Variants in DOCK3 observed in about 807,000 individuals in gnomAD.
DOCK3 encodes dedicator of cytokinesis 3, also known as dedicator of cytokinesis protein 3.
Under a neutral mutation model 265.6 loss-of-function variants are expected in DOCK3, and 60 were observed. The observed-to-expected ratio is 0.23, with a 90% CI of 0.18 to 0.28. The LOEUF is 0.28. DOCK3 is among the 10% of genes least tolerant of loss of function. DOCK3 has a pLI of 1.00. For missense variants in DOCK3, 1,981 were observed against 2,594.3 expected, an observed-to-expected ratio of 0.76 and a Z score of 5.14; for synonymous variants, 881 against 938.0, an observed-to-expected ratio of 0.94 and a Z score of 1.11.
chr3:50,713,095 A>G (rs1204614442), intron 1 of DOCK3, among the ~76,000 whole-genome samples: 1 of 152,184 alleles, frequency 6.6e-6, no homozygotes, highest in Non-Finnish European at 1.5e-5. Flanking sequence ...ACATTACTGT[A>G]CAAAGGGAGA....
chr3:50,903,812 C>T (rs566313701), intron 4 of DOCK3, among the ~76,000 whole-genome samples: 6 of 151,906 alleles, frequency 3.9e-5, no homozygotes, highest in South Asian at 2.1e-4. Flanking sequence ...ATGTGCACCA[C>T]GTGCAGGTTT....
chr3:51,366,911 A>G (rs147141875), intron 49 of DOCK3, among the ~76,000 whole-genome samples: 63 of 152,252 alleles, frequency 4.1e-4, no homozygotes, highest in African/African-American at 1.4e-3. Context: ...ACTTCCAATT[A>G]TGTGGTCAAT....
At chr3:51,266,173 AAG>A (rs2080153039) in intron 23 of DOCK3, among the ~76,000 whole-genome samples, 1 of 152,236 alleles carries the variant, frequency 6.6e-6, no homozygotes, top group Non-Finnish European at 1.5e-5. Flanking sequence ...TCAAGGAAAT[AAG>A]AGAGGACACA....
At chr3:50,991,614 GAC>G (rs1298600715) in intron 5 of DOCK3, among the ~76,000 whole-genome samples, 7 of 152,138 alleles carry the variant, frequency 4.6e-5, no homozygotes, top group Non-Finnish European at 1.0e-4. Flanking sequence ...CCTACAAAGA[GAC>G]ACAGAGTTTT....
At chr3:50,901,884 G>A (rs757416750) in intron 4 of DOCK3, among the ~76,000 whole-genome samples, 16 of 152,262 alleles carry the variant, frequency 1.1e-4, no homozygotes, top group Non-Finnish European at 1.9e-4. Flanking sequence ...CATTGATGTC[G>A]CTGGGAGCTG....
chr3:51,047,811 A>G (rs2080835700), intron 5 of DOCK3, among the ~76,000 whole-genome samples: 1 of 152,198 alleles, frequency 6.6e-6, no homozygotes, highest in Non-Finnish European at 1.5e-5. Flanking sequence ...TATACCAGGC[A>G]TTTAGAGAAT....
intron 31 of DOCK3, 50 bp downstream of exon 31, chr3:51,312,952 A>G (rs966383756): frequency 5.3e-6 from 8 of 1,508,508 alleles, no homozygotes; most frequent in Admixed American, 1.9e-5. Flanking sequence ...ATAGCCAAAT[A>G]GAAAGTAGCA....
intron 12 of DOCK3, among the ~76,000 whole-genome samples, chr3:51,172,327 C>A (rs1244908722): frequency 3.3e-5 from 5 of 152,106 alleles, no homozygotes; most frequent in Non-Finnish European, 2.9e-5. Flanking sequence ...AGGCATGGGC[C>A]ACCATGCCTG....
chr3:51,191,161 C>A (rs1243881428), intron 12 of DOCK3, among the ~76,000 whole-genome samples: 1 of 152,068 alleles, frequency 6.6e-6, no homozygotes, highest in Non-Finnish European at 1.5e-5. Context: ...GCAATCAGGG[C>A]TTTCACGCTA....
At chr3:51,188,027 A>G (rs1458946021) in intron 12 of DOCK3, among the ~76,000 whole-genome samples, 1 of 152,182 alleles carries the variant, frequency 6.6e-6, no homozygotes, top group Non-Finnish European at 1.5e-5. Flanking sequence ...TTAGTGACTT[A>G]TAAGCTATTA....
intron 1 of DOCK3, among the ~76,000 whole-genome samples, chr3:50,770,322 A>G (rs551457337): frequency 3.0e-3 from 456 of 152,310 alleles, no homozygotes; most frequent in Non-Finnish European, 5.3e-3. Flanking sequence ...CAATCTTAGA[A>G]AGAAAAAAGT....
intron 24 of DOCK3, among the ~76,000 whole-genome samples, chr3:51,271,286 A>G (rs975874725): frequency 1.3e-5 from 2 of 152,200 alleles, no homozygotes; most frequent in Non-Finnish European, 2.9e-5. Context: ...ACAGAATACC[A>G]TAGACTGGGT....
intron 12 of DOCK3, among the ~76,000 whole-genome samples, chr3:51,180,165 G>A (rs1343578187): frequency 7.2e-6 from 1 of 138,016 alleles, no homozygotes; most frequent in African/African-American, 2.7e-5. Context: ...CCGAGATCAC[G>A]CCACTGTGCT....
At chr3:50,814,914 T>C (rs1049167435) in intron 2 of DOCK3, among the ~76,000 whole-genome samples, 11 of 152,082 alleles carry the variant, frequency 7.2e-5, no homozygotes, top group African/African-American at 2.7e-4. Flanking sequence ...AACCTCCGCC[T>C]CCTGGGTTCA....
At chr3:51,146,135 A>G (rs184466696) in intron 9 of DOCK3, among the ~76,000 whole-genome samples, 8 of 152,214 alleles carry the variant, frequency 5.3e-5, no homozygotes, top group Non-Finnish European at 8.8e-5. Flanking sequence ...GGTAATGTAG[A>G]TTCTTTCAGC....
chr3:50,967,580 A>G (rs1025610291), intron 5 of DOCK3, among the ~76,000 whole-genome samples: 3 of 152,184 alleles, frequency 2.0e-5, no homozygotes, highest in African/African-American at 7.2e-5. Context: ...TAAAGGAAAG[A>G]GTTTTAATTG....
chr3:51,256,750 C>T (rs941771120), intron 22 of DOCK3, among the ~76,000 whole-genome samples: 3 of 151,870 alleles, frequency 2.0e-5, no homozygotes, highest in African/African-American at 4.8e-5. Flanking sequence ...TATGCCACCA[C>T]AGCTGGCTAA....
intron 12 of DOCK3, among the ~76,000 whole-genome samples, chr3:51,190,231 T>G (rs1005525453): frequency 6.6e-6 from 1 of 152,202 alleles, no homozygotes; most frequent in Non-Finnish European, 1.5e-5. Context: ...GCTAGATTGC[T>G]GTGAATGCTA....
chr3:50,698,820 TC>T (rs2035839911), intron 1 of DOCK3, among the ~76,000 whole-genome samples: 1 of 152,134 alleles, frequency 6.6e-6, no homozygotes, highest in Non-Finnish European at 1.5e-5. Flanking sequence ...TCTTCACTGT[TC>T]AGTTCCTTTG....
Sources: gnomAD v4.1 joint callset for allele counts (sites outside exome capture counted in the v4.1 genomes callset) on GRCh38, gnomAD v4.1.1 for gene constraint, MANE v1.5 for transcripts, NCBI Gene and HGNC (gene_info 2026-07-23, HGNC 2026-07-21) for gene names.